The following ANK2 variants were observed in gnomAD, a reference collection of about 807,000 sequenced individuals.
The protein encoded by ANK2 is ankyrin 2.
ANK2 carries 83 observed loss-of-function variants against 360.5 expected under a neutral mutation model. The observed-to-expected ratio is 0.23, with a 90% CI of 0.19 to 0.28. The LOEUF is 0.28. Ranked by LOEUF, ANK2 falls within the 10% of genes least tolerant of loss-of-function variation. The pLI is 1.00. For synonymous variants in ANK2, 1,740 were observed against 1,759.5 expected, an observed-to-expected ratio of 0.99 and a Z score of 0.28; for missense variants, 4,201 against 4,795.7, an observed-to-expected ratio of 0.88 and a Z score of 3.66.
chr4:112,915,769 TA>T (rs1030873684), intron 2 of ANK2, among the ~76,000 whole-genome samples: 1 of 147,086 alleles, frequency 6.8e-6, no homozygotes, highest in African/African-American at 2.7e-5. Context: ...AAAAAATAAA[TA>T]AATAAATAAA....
At chr4:112,832,501 G>A (rs755189787) in intron 1 of ANK2, among the ~76,000 whole-genome samples, 9 of 152,172 alleles carry the variant, frequency 5.9e-5, no homozygotes, top group Admixed American at 2.6e-4. Flanking sequence ...TCTTCATATT[G>A]TATACTCTGT....
the ANK2 span, among the ~76,000 whole-genome samples, chr4:112,749,985 C>T: frequency 3.1e-4 from 47 of 152,284 alleles, no homozygotes; most frequent in African/African-American, 1.1e-3. Flanking sequence ...ACCCCGTGAT[C>T]CGCCCTCCTT....
intron 45 of ANK2, chr4:113,378,101 C>G: frequency 7.9e-7 from 1 of 1,266,050 alleles, no homozygotes; most frequent in Non-Finnish European, 1.0e-6. Context: ...CTTTGAGTTA[C>G]ACAGGTAGCC....
the ANK2 span, among the ~76,000 whole-genome samples, chr4:112,705,930 C>T: frequency 1.3e-5 from 2 of 148,722 alleles, no homozygotes; most frequent in Non-Finnish European, 1.5e-5. Flanking sequence ...AGTCCGCCGG[C>T]CGGGATGTAG....
intron 2 of ANK2, among the ~76,000 whole-genome samples, chr4:113,177,372 G>A (rs528243654): frequency 3.9e-5 from 6 of 152,250 alleles, no homozygotes; most frequent in South Asian, 4.1e-4. Context: ...GAGCCACCGC[G>A]CCCGGCCAAA....
the ANK2 span, among the ~76,000 whole-genome samples, chr4:112,723,095 G>A: frequency 1.3e-5 from 2 of 152,206 alleles, no homozygotes; most frequent in South Asian, 2.1e-4. Context: ...AGAGAAATAT[G>A]TAGCCAGTCA....
intron 1 of ANK2, among the ~76,000 whole-genome samples, chr4:113,155,339 A>G (rs942795705): frequency 3.3e-5 from 5 of 152,196 alleles, no homozygotes; most frequent in Non-Finnish European, 7.4e-5. Context: ...TATTTCCTCA[A>G]GGTCACACAG....
At chr4:113,350,356 A>G (rs985137249) in intron 37 of ANK2, 107 bp downstream of exon 37, 11 of 887,162 alleles carry the variant, frequency 1.2e-5, no homozygotes, top group Non-Finnish European at 1.7e-5. Flanking sequence ...TAGTAATTAC[A>G]TTTTTATATT....
At chr4:112,755,858 A>G in the ANK2 span, 1 of 153,286 alleles carries the variant, frequency 6.5e-6, no homozygotes, top group South Asian at 2.1e-4. Flanking sequence ...AGAAGGAACA[A>G]AGAAATCTGT....
At chr4:112,772,000 G>T in the ANK2 span, among the ~76,000 whole-genome samples, 1 of 152,160 alleles carries the variant, frequency 6.6e-6, no homozygotes. Flanking sequence ...TTCAGATGGG[G>T]CTCTTGGAGC....
At chr4:113,044,533 A>G (rs978611134) in intron 2 of ANK2, among the ~76,000 whole-genome samples, 1 of 152,184 alleles carries the variant, frequency 6.6e-6, no homozygotes, top group African/African-American at 2.4e-5. Context: ...GGGTGGCTTA[A>G]AATAACAGAA....
At chr4:112,843,589 T>C (rs986119555) in intron 1 of ANK2, among the ~76,000 whole-genome samples, 4 of 152,190 alleles carry the variant, frequency 2.6e-5, no homozygotes, top group African/African-American at 9.6e-5. Context: ...AGAATTCTAT[T>C]GTCTGTGATT....
At chr4:113,372,798 C>T (rs896705658) in intron 43 of ANK2, among the ~76,000 whole-genome samples, 1 of 152,206 alleles carries the variant, frequency 6.6e-6, no homozygotes, top group Non-Finnish European at 1.5e-5. Context: ...GTGGTTCCAG[C>T]TTTCCTCCAG....
intron 17 of ANK2, among the ~76,000 whole-genome samples, chr4:113,278,972 CTTT>C (rs138551277): frequency 6.6e-6 from 1 of 150,898 alleles, no homozygotes; most frequent in Non-Finnish European, 1.5e-5. Context: ...GTTTCTTTGT[CTTT>C]TTTTTTAATG....
Position 112,976,918 on chromosome 4 carries a change from C to T in ANK2, c.21+72404C>T, listed in dbSNP as rs117024562. Among the ~76,000 whole-genome samples, 188 of 152,300 alleles carry T rather than the reference C, an allele frequency of 1.2e-3. 8 individuals are homozygous for T. In the East Asian group the frequency reaches 0.034, roughly 27 times the overall value. ...AAAGCAGGTAGAAAGGGTGACCTCA[C>T]TTATCTTTGCATCCCTAGCATCTAG... On this transcript the variant is annotated intron_variant, in intron 2 of 30. Transcript: ENST00000503271.
intron 9 of ANK2, among the ~76,000 whole-genome samples, chr4:113,248,546 C>G (rs2044284139): frequency 6.6e-6 from 1 of 152,034 alleles, no homozygotes; most frequent in African/African-American, 2.4e-5. Context: ...CTACAGTGGC[C>G]AGTCTGTTGG....
chr4:112,842,415 A>T (rs2062310196), intron 1 of ANK2, among the ~76,000 whole-genome samples: 1 of 152,218 alleles, frequency 6.6e-6, no homozygotes, highest in Admixed American at 6.5e-5. Flanking sequence ...AATGATTCGT[A>T]AGAGTTATTC....
chr4:112,785,560 A>G, the ANK2 span, among the ~76,000 whole-genome samples: 6 of 152,000 alleles, frequency 3.9e-5, no homozygotes, highest in African/African-American at 1.4e-4. Flanking sequence ...TTTAATAGAG[A>G]CGGGGTTTCA....
chr4:113,116,704 C>G lies in ANK2; in HGVS notation c.85-57712C>G, dbSNP rs531739832. On this transcript the variant is annotated intron_variant, in intron 1 of 45. Coordinates refer to ENST00000357077, the MANE Select transcript of ANK2 (RefSeq NM_001148.6). Reference sequence around the variant, plus strand: ...GGCAGTAACAGCAGTAGCACGGCAGCAGCAGCAGCAGCAGCAGCAGAGTCC... The same window carrying G: ...GGCAGTAACAGCAGTAGCACGGCAGGAGCAGCAGCAGCAGCAGCAGAGTCC... 1.0e-3 allele frequency among the ~76,000 whole-genome samples: 153 copies of G among 152,204 alleles called. 1 individual carries two copies. Among genetic ancestry groups the G allele is most frequent in the Middle Eastern group, 3.4e-3 (1 of 294 alleles).
Sources: gnomAD v4.1 joint callset for allele counts (sites outside exome capture counted in the v4.1 genomes callset) on GRCh38, gnomAD v4.1.1 for gene constraint, MANE v1.5 for transcripts, NCBI Gene and HGNC (gene_info 2026-07-23, HGNC 2026-07-21) for gene names.